NF1: variants seen among roughly 807,000 people sequenced by gnomAD.
NF1 encodes neurofibromin 1.
In NF1, 122 loss-of-function variants were observed where a neutral mutation model predicts 325.7. The observed-to-expected ratio is 0.37, with a 90% CI of 0.32 to 0.44. The LOEUF (loss-of-function observed/expected upper bound fraction) is 0.44. Ranked by LOEUF, NF1 falls within the 20% of genes least tolerant of loss-of-function variation. The probability of loss-of-function intolerance (pLI) is 1.00; values close to 1 mark genes in which losing one functional copy is unlikely to be tolerated. For missense variants in NF1, 2,140 were observed against 3,415.4 expected (o/e 0.63, Z 9.31); for synonymous variants, 1,091 against 1,186.0 (o/e 0.92, Z 1.65).
chr17:31,322,076 TGTG>T (rs1445946630), intron 36 of NF1, among the ~76,000 whole-genome samples: 1 of 134,256 alleles, frequency 7.4e-6, no homozygotes, highest in East Asian at 2.2e-4. Flanking sequence ...AATGCTTTCG[TGTG>T]GTGTAGTGTG....
intron 1 of NF1, among the ~76,000 whole-genome samples, chr17:31,110,471 A>G (rs960116497): frequency 1.3e-5 from 2 of 152,138 alleles, no homozygotes; most frequent in Admixed American, 6.6e-5. Flanking sequence ...TGATCAGCCT[A>G]TCTTATCCCT....
At chr17:31,206,138 T>C (rs2143911947) in intron 11 of NF1, 102 bp from the exon 12 acceptor site, 7 of 1,355,080 alleles carry the variant, frequency 5.2e-6, no homozygotes, top group Non-Finnish European at 7.4e-6. Context: ...TCTTAGAAAG[T>C]TCCCGACAAA....
intron 36 of NF1, chr17:31,321,592 T>C (rs1216285940): frequency 6.6e-6 from 1 of 152,162 alleles, no homozygotes; most frequent in Non-Finnish European, 1.5e-5. Flanking sequence ...TTGGAGAATA[T>C]GAGCCTTAAA....
intron 36 of NF1, among the ~76,000 whole-genome samples, chr17:31,322,102 C>T (rs1375427943): frequency 8.8e-5 from 9 of 102,636 alleles, no homozygotes; most frequent in African/African-American, 2.5e-4. Flanking sequence ...TATACACACA[C>T]ACACACACAC....
intron 19 of NF1, 32 bp from the exon 20 acceptor site, chr17:31,227,491 T>A (rs2151427354): frequency 6.2e-7 from 1 of 1,609,094 alleles, no homozygotes; most frequent in Admixed American, 1.7e-5. Context: ...CTAGACTAAG[T>A]TGCTTTCAAG....
chr17:31,349,402 G>GT, intron 49 of NF1, 151 bp downstream of exon 49: 1 of 744,772 alleles, frequency 1.3e-6, no homozygotes, highest in Admixed American at 2.9e-5. Context: ...AATTTTGAGA[G>GT]TTTTGCCAGA....
chr17:31,173,591 T>G (rs1355984730), intron 5 of NF1, among the ~76,000 whole-genome samples: 1 of 97,446 alleles, frequency 1.0e-5, no homozygotes, highest in Non-Finnish European at 2.1e-5. Context: ...AGACCGAAAC[T>G]CCATCTAAAA....
chr17:31,190,381 T>C (rs529137734), intron 8 of NF1, among the ~76,000 whole-genome samples: 2 of 152,348 alleles, frequency 1.3e-5, no homozygotes, highest in South Asian at 4.1e-4. Context: ...ACCCATATAT[T>C]CAAATGCAAA....
intron 4 of NF1, among the ~76,000 whole-genome samples, chr17:31,168,007 A>C (rs1567819808): frequency 6.6e-6 from 1 of 152,226 alleles, no homozygotes; most frequent in Non-Finnish European, 1.5e-5. Flanking sequence ...GTACCCTGTG[A>C]ATATAAAGTT....
chr17:31,218,959 C>G, intron 13 of NF1, 46 bp from the exon 14 acceptor site: 1 of 1,493,486 alleles, frequency 6.7e-7, no homozygotes, highest in African/African-American at 1.4e-5. Context: ...TAATCTCTCT[C>G]GATTTATTTA....
At chr17:31,274,896 T>A (rs867916892) in intron 36 of NF1, among the ~76,000 whole-genome samples, 9 of 152,200 alleles carry the variant, frequency 5.9e-5, no homozygotes, top group African/African-American at 2.2e-4. Context: ...CAGAAGTTAG[T>A]GTTTTCTCCT....
At chr17:31,332,574 G>GTTT (rs1289677065) in intron 39 of NF1, among the ~76,000 whole-genome samples, 1 of 86,752 alleles carries the variant, frequency 1.2e-5, no homozygotes, top group African/African-American at 3.4e-5. Context: ...ACAGATCATG[G>GTTT]TTTTTTTTTT....
At chr17:31,164,115 G>A (rs929825979) in intron 4 of NF1, among the ~76,000 whole-genome samples, 1 of 152,194 alleles carries the variant, frequency 6.6e-6, no homozygotes, top group African/African-American at 2.4e-5. Flanking sequence ...TTCAGGTGAT[G>A]TGCCAAATAA....
At position 31,095,280 on chromosome 17, in the gene NF1, C is replaced by T. The variant is rs893718331; in HGVS notation, c.-30C>T. 9.1e-6 allele frequency: 14 copies of T among 1,533,976 alleles called. No homozygotes were observed. Among genetic ancestry groups the T allele is most frequent in the African/African-American group, 1.4e-5 (1 of 72,840 alleles). On this transcript the variant is annotated 5_prime_UTR_variant, in exon 1 of 58. Coordinates refer to ENST00000358273, the MANE Select transcript of NF1 (RefSeq NM_001042492.3). ...GGCCCAGGGCGCCGGCCCACCCTTC[C>T]CTCCGCCGCCCCCCGGCCGCGGGGA...
intron 29 of NF1, among the ~76,000 whole-genome samples, chr17:31,246,268 C>T (rs888382619): frequency 6.6e-6 from 1 of 152,048 alleles, no homozygotes; most frequent in Non-Finnish European, 1.5e-5. Flanking sequence ...TCTGAAATAC[C>T]CTTACTTCTT....
rs587778549 is a variant in NF1, at chr17:31,225,204, G to A, written c.1955G>A (p.Arg652His). The change falls in exon 17 of 58, where the codon CGT becomes CAT. Residue 652 changes from arginine to histidine, a missense_variant. By Grantham distance (29) the Arg-to-His change is conservative. Transcript: ENST00000358273. ...TCCATGGATCATGAAGAATTACTAC[G>A]TACTCCTGGAGCCTCTCTCCGGAAG... is the stretch of plus-strand genomic sequence containing the variant. ...QMSMDHEELL[R>H]TPGASLRKGK... The A allele has an allele frequency of 7.4e-6, 12 of 1,613,706 alleles. No homozygotes were observed. In the South Asian group the frequency reaches 9.9e-5, roughly 13 times the overall value.
intron 25 of NF1, 50 bp from the exon 26 acceptor site, chr17:31,232,650 C>G (rs2067132232): frequency 6.4e-7 from 1 of 1,553,644 alleles, no homozygotes; most frequent in South Asian, 1.1e-5. Context: ...GGTTAGCTTT[C>G]TAGTTGATAC....
intron 36 of NF1, among the ~76,000 whole-genome samples, chr17:31,268,688 T>C (rs2067835383): frequency 6.6e-6 from 1 of 151,038 alleles, no homozygotes; most frequent in Non-Finnish European, 1.5e-5. Flanking sequence ...TTCTTAGGTA[T>C]GTGTTTTAAT....
chr17:31,262,033 ATTTT>A (rs2067695544), intron 35 of NF1, among the ~76,000 whole-genome samples, 176 bp downstream of exon 35: 1 of 152,158 alleles, frequency 6.6e-6, no homozygotes, highest in Non-Finnish European at 1.5e-5. Flanking sequence ...GGTGTGTTTT[ATTTT>A]ATATATTGAT....
Sources: allele counts gnomAD v4.1 joint callset (sites outside exome capture counted in the v4.1 genomes callset), GRCh38; gene constraint gnomAD v4.1.1; transcripts MANE v1.5; gene names NCBI Gene and HGNC (gene_info 2026-07-23, HGNC 2026-07-21).